Variants in TTC21A observed in about 807,000 individuals in gnomAD.
TTC21A encodes the protein tetratricopeptide repeat protein 21A.
TTC21A carries 128 observed loss-of-function variants against 156.4 expected under a neutral mutation model. The ratio of observed to expected loss-of-function variants is 0.82; its 90% CI spans 0.71 to 0.95. TTC21A has a LOEUF of 0.95. TTC21A is among the 40% of genes least tolerant of loss of function. The probability of loss-of-function intolerance (pLI) is 0.00; values close to 1 mark genes in which losing one functional copy is unlikely to be tolerated. For synonymous variants in TTC21A, 587 were observed against 617.1 expected, an observed-to-expected ratio of 0.95 and a Z score of 0.72; for missense variants, 1,435 against 1,602.3, an observed-to-expected ratio of 0.90 and a Z score of 1.78.
chr3:39,124,058 T>C (rs1170160643), intron 9 of TTC21A, among the ~76,000 whole-genome samples: 1 of 152,224 alleles, frequency 6.6e-6, no homozygotes, highest in Admixed American at 6.5e-5. Flanking sequence ...GATAGTAATA[T>C]AAGTTCAAGT....
Position 39,108,160 on chromosome 3 carries a change from G to T in TTC21A, c.27+296G>T, listed in dbSNP as rs866124383. On this transcript the variant is annotated intron_variant, in intron 1 of 28. Transcript: ENST00000683103. Reference sequence around the variant, plus strand: ...TTCCACCCAGCTCACTCTCGCCTGCGCCTCCCACCCCAGTTGATGGCTTCA... The same window carrying T: ...TTCCACCCAGCTCACTCTCGCCTGCTCCTCCCACCCCAGTTGATGGCTTCA... 1.1e-5 allele frequency: 6 copies of T among 560,070 alleles called. No homozygotes were observed. The South Asian group carries it at 1.4e-4, about 13-fold the overall frequency. The allele number at this position is 560,070 out of a possible 1,614,324, so 34.7% of individuals were successfully genotyped here.
At chr3:39,131,211 C>T (rs929805258) in intron 19 of TTC21A, 116 bp downstream of exon 19, 1 of 748,582 alleles carries the variant, frequency 1.3e-6, no homozygotes. Flanking sequence ...TAAAAAAGGA[C>T]CTAGGTTACA....
intron 6 of TTC21A, among the ~76,000 whole-genome samples, chr3:39,115,550 C>A (rs2125771634): frequency 6.6e-6 from 1 of 152,158 alleles, no homozygotes; most frequent in African/African-American, 2.4e-5. Context: ...CCTGAAGTCC[C>A]AGCTACTAGG....
At chr3:39,108,936 G>A in intron 1 of TTC21A, 149 bp from the exon 2 acceptor site, 2 of 837,510 alleles carry the variant, frequency 2.4e-6, no homozygotes, top group Non-Finnish European at 3.7e-6. Context: ...TAGAGGACAG[G>A]ATGAGGCCTG....
chr3:39,122,539 G>T (rs1340546865), intron 9 of TTC21A, among the ~76,000 whole-genome samples: 2 of 152,158 alleles, frequency 1.3e-5, no homozygotes, highest in Non-Finnish European at 2.9e-5. Context: ...AAAAAGACGA[G>T]CTCAGGGTCA....
intron 2 of TTC21A, among the ~76,000 whole-genome samples, chr3:39,109,425 C>A (rs552598736): frequency 1.3e-5 from 2 of 152,344 alleles, no homozygotes; most frequent in Admixed American, 6.5e-5. Context: ...TATCCCTGCT[C>A]TGCACCTCGG....
chr3:39,123,153 A>G (rs973690911), intron 9 of TTC21A, among the ~76,000 whole-genome samples: 2 of 152,244 alleles, frequency 1.3e-5, no homozygotes, highest in African/African-American at 4.8e-5. Context: ...TGCTACTGTG[A>G]AAAAGGTACA....
At chr3:39,118,919 G>A (rs1156235874) in intron 7 of TTC21A, 3 of 152,216 alleles carry the variant, frequency 2.0e-5, no homozygotes, top group Non-Finnish European at 4.4e-5. Context: ...TGTGGATTTT[G>A]TGGGATGGGG....
chr3:39,126,301 A>G lies in TTC21A; in HGVS notation c.1433A>G (p.Gln478Arg), dbSNP rs368336079. Residue 478 changes from glutamine to arginine, a missense_variant, in exon 12 of 29, where the codon CAA becomes CGA. Transcript: ENST00000683103. ...CAGATCGTGTCTCCACTTCTTAAACAAGTCGCCGTGATCTTGAATCCTGTA... is the reference window on the plus strand; with the variant it reads ...CAGATCGTGTCTCCACTTCTTAAACGAGTCGCCGTGATCTTGAATCCTGTA... The part of the protein sequence containing the change: ...PGQIVSPLLK[Q>R]VAVILNPVVK... 6.2e-6 allele frequency: 10 copies of G among 1,613,928 alleles called. No individual in the cohort carries two copies. The highest frequency in any genetic ancestry group is 1.3e-5 in the African/African-American group (1 of 74,844).
intron 12 of TTC21A, among the ~76,000 whole-genome samples, chr3:39,127,192 G>A (rs1187987026): frequency 1.3e-5 from 2 of 152,208 alleles, no homozygotes; most frequent in African/African-American, 4.8e-5. Flanking sequence ...CTCCCCTGAA[G>A]TACTGTCTCC....
At position 39,138,280 on chromosome 3, in the gene TTC21A, C is replaced by T; in HGVS notation, c.3689C>T (p.Ala1230Val). ...CVQYNKSCYK[A>V]YEYMGFIMEK... Reference sequence around the variant, plus strand: ...CTTTCCCTGCAGTCCTGCTACAAGGCCTATGAGTACATGGGCTTCATCATG... The same window carrying T: ...CTTTCCCTGCAGTCCTGCTACAAGGTCTATGAGTACATGGGCTTCATCATG... Residue 1230 changes from alanine (A) to valine (V), a missense_variant, in exon 27 of 29, where the codon GCC becomes GTC. Physicochemically the swap from Ala to Val is moderately conservative, Grantham distance 64. Transcript: ENST00000683103. 6.2e-7 allele frequency: 1 copy of T among 1,614,106 alleles called. No homozygotes were observed. Among genetic ancestry groups the T allele is most frequent in the Non-Finnish European group, 8.5e-7 (1 of 1,179,984 alleles).
rs1472004600 is a variant in TTC21A at position 39,137,294 on chromosome 3, G to C, written c.3357G>C (p.Leu1119=). ...YPHSDSSQTQ[L]RLLQGLCRLA... Reference sequence around the variant, plus strand: ...ATTCAGACTCCAGCCAGACCCAGCTGCGGCTGCTGCAGGGCCTCTGCCGGC... The same window carrying C: ...ATTCAGACTCCAGCCAGACCCAGCTCCGGCTGCTGCAGGGCCTCTGCCGGC... Residue 1119 remains leucine, a synonymous_variant, in exon 25 of 29, where the codon CTG becomes CTC. Coordinates refer to ENST00000683103, the MANE Select transcript of TTC21A (RefSeq NM_001366900.1). The C allele has an allele frequency of 6.2e-6, 10 of 1,614,190 alleles. No homozygotes were observed. The highest frequency in any genetic ancestry group is 8.5e-6 in the Non-Finnish European group (10 of 1,180,036).
rs771446106 is a variant in TTC21A at position 39,114,675 on chromosome 3, C to G, written c.649C>G (p.Leu217Val). The G allele has an allele frequency of 1.9e-6, 3 of 1,614,114 alleles. No homozygotes were observed. The African/African-American group carries it at 4.0e-5, about 22-fold the overall frequency. ...TVTSGSFLPALVLKMQLFLAR... is the reference protein window; with the variant it reads ...TVTSGSFLPAVVLKMQLFLAR... The stretch of plus-strand genomic sequence containing the variant: ...GACTTCAGGGAGCTTCCTGCCAGCC[C>G]TCGTCCTGAAGATGCAGCTGTTCTT... The change falls in exon 6 of 29, where the codon CTC becomes GTC. Residue 217 changes from leucine to valine, a missense_variant. Physicochemically the swap from Leu to Val is conservative, Grantham distance 32. Transcript: ENST00000683103.
In TTC21A at chr3:39,130,493, G is replaced by T; in HGVS notation, c.2319+135G>T. The T allele has an allele frequency of 1.1e-6, 1 of 926,042 alleles. No homozygotes were observed. The allele number at this position is 926,042 out of a possible 1,614,324, so 57.4% of individuals were successfully genotyped here. A position where few individuals can be genotyped will look rare whatever the true frequency, so the allele number is the denominator to read the frequency against. The stretch of plus-strand genomic sequence containing the variant: ...CACTCAGCTCCTTGCTGAATGGGGT[G>T]CCAAGGGGAGAACTCAGCAACTCTC... On this transcript the variant is annotated intron_variant, in intron 17 of 28. Transcript: ENST00000683103. The surrounding 1 kb of genome is among the most constrained non-coding windows in gnomAD (Gnocchi z 4.5).
At chr3:39,126,512 A>G (rs2038263803) in intron 12 of TTC21A, 122 bp downstream of exon 12, 1 of 991,076 alleles carries the variant, frequency 1.0e-6, no homozygotes, top group African/African-American at 1.7e-5. Flanking sequence ...ACACACACAC[A>G]CACACACACT....
intron 3 of TTC21A, among the ~76,000 whole-genome samples, chr3:39,110,549 G>C (rs140680490): frequency 0.46 from 69,211 of 151,886 alleles, 18,777 homozygotes; most frequent in African/African-American, 0.78. Context: ...TAAGTTGTGG[G>C]CCTGAGGCTA....
rs1487891685 is a variant in TTC21A at position 39,137,104 on chromosome 3, A to G, written c.3257+44A>G. The G allele has an allele frequency of 3.1e-6, 5 of 1,602,980 alleles. No homozygotes were observed. The Admixed American group carries it at 5.1e-5, about 16-fold the overall frequency. On this transcript the variant is annotated intron_variant, in intron 24 of 28. Transcript: ENST00000683103. ...AGGGGCGGAACCCTGGGGAAGTTAC[A>G]GAAAGCCTGCAACCTCTGGGTTGAA...
rs553670707 is a variant in TTC21A, at chr3:39,107,910, C to A, written c.27+46C>A. Reference sequence around the variant, plus strand: ...CCGAGGGCTCCCTCGTGACTCCCCGCCCCTGACCCAGAGACCGTCTGCCCT... The same window carrying A: ...CCGAGGGCTCCCTCGTGACTCCCCGACCCTGACCCAGAGACCGTCTGCCCT... On this transcript the variant is annotated intron_variant, in intron 1 of 28. Coordinates refer to ENST00000683103, the MANE Select transcript of TTC21A (RefSeq NM_001366900.1). The A allele has an allele frequency of 2.4e-5, 38 of 1,607,188 alleles. No homozygotes were observed. In the African/African-American group the frequency reaches 4.8e-4, roughly 20 times the overall value.
Position 39,107,876 on chromosome 3 carries a change from G to A in TTC21A, c.27+12G>A, listed in dbSNP as rs758926549. On this transcript the variant is annotated intron_variant, in intron 1 of 28. Coordinates refer to ENST00000683103, the MANE Select transcript of TTC21A (RefSeq NM_001366900.1). ...ACTCCTCCCTTATGGTGCGTGGCCC[G>A]GGCGCTGTCCGAGGGCTCCCTCGTG... 5 of 1,612,434 alleles carry A rather than the reference G, an allele frequency of 3.1e-6. No homozygotes were observed. The highest frequency in any genetic ancestry group is 4.2e-6 in the Non-Finnish European group (5 of 1,179,920).
Sources: allele counts gnomAD v4.1 joint callset (sites outside exome capture counted in the v4.1 genomes callset), GRCh38; gene constraint gnomAD v4.1.1; non-coding constraint Gnocchi (gnomAD v3.1); transcripts MANE v1.5; gene names NCBI Gene and HGNC (gene_info 2026-07-23, HGNC 2026-07-21).